GLT1D1: variants seen among roughly 807,000 people sequenced by gnomAD.
GLT1D1 encodes the protein glycosyltransferase 1 domain-containing protein 1.
In GLT1D1, 21 loss-of-function variants were observed where a neutral mutation model predicts 28.7. The ratio of observed to expected loss-of-function variants is 0.73; its 90% CI spans 0.52 to 1.05. GLT1D1 has a LOEUF of 1.05. Among genes scored for constraint, GLT1D1 ranks in the 50% least tolerant of loss-of-function variants. GLT1D1 has a pLI of 0.00. For synonymous variants in GLT1D1, 147 were observed against 124.8 expected (o/e 1.18, Z -1.19); for missense variants, 343 against 330.6 (o/e 1.04, Z -0.29).
chr12:128,952,442 G>GA (rs1565908365), intron 6 of GLT1D1, among the ~76,000 whole-genome samples: 1 of 128,466 alleles, frequency 7.8e-6, no homozygotes, highest in African/African-American at 3.1e-5. Context: ...GGTGGGGGGG[G>GA]GTGGGGCTGA....
chr12:128,939,454 G>T (rs1874902372), intron 4 of GLT1D1, among the ~76,000 whole-genome samples: 1 of 151,720 alleles, frequency 6.6e-6, no homozygotes, highest in Admixed American at 6.6e-5. Flanking sequence ...GGGCACAGTG[G>T]CTCATGCTTG....
intron 4 of GLT1D1, among the ~76,000 whole-genome samples, chr12:128,910,744 ACT>A (rs1871424849): frequency 6.6e-6 from 1 of 151,002 alleles, no homozygotes; most frequent in East Asian, 2.0e-4. Flanking sequence ...GGTCTTTGAA[ACT>A]CTCTCTTAAA....
chr12:128,906,204 C>T (rs1870853981), intron 4 of GLT1D1, among the ~76,000 whole-genome samples: 1 of 152,102 alleles, frequency 6.6e-6, no homozygotes, highest in Non-Finnish European at 1.5e-5. Flanking sequence ...ATTTCTGATC[C>T]TGAAATATAT....
intron 4 of GLT1D1, among the ~76,000 whole-genome samples, chr12:128,917,513 A>G (rs936650872): frequency 2.1e-4 from 32 of 152,112 alleles, no homozygotes; most frequent in Non-Finnish European, 5.9e-5. Flanking sequence ...CCTGAGCTCA[A>G]GTAAGCCATC....
intron 4 of GLT1D1, among the ~76,000 whole-genome samples, chr12:128,905,076 C>T (rs1398767237): frequency 8.6e-6 from 1 of 116,516 alleles, no homozygotes; most frequent in Non-Finnish European, 1.9e-5. Flanking sequence ...GCCCATTTCC[C>T]ACCCTAAACA....
chr12:128,957,941 C>G (rs1319532204), intron 7 of GLT1D1, among the ~76,000 whole-genome samples: 2 of 152,262 alleles, frequency 1.3e-5, no homozygotes, highest in Non-Finnish European at 2.9e-5. Context: ...CGTGCACTCT[C>G]AGACACAACC....
intron 4 of GLT1D1, among the ~76,000 whole-genome samples, chr12:128,936,721 G>T (rs1040512158): frequency 1.3e-5 from 2 of 152,084 alleles, no homozygotes; most frequent in Non-Finnish European, 2.9e-5. Flanking sequence ...TTCTTATATC[G>T]AAGATTACTT....
chr12:128,941,888 G>A (rs1593165474), intron 4 of GLT1D1, among the ~76,000 whole-genome samples: 1 of 138,216 alleles, frequency 7.2e-6, no homozygotes, highest in East Asian at 2.2e-4. Flanking sequence ...CACCGTGCCT[G>A]GTCTCTCTCT....
chr12:128,882,828 A>G (rs571515580), intron 2 of GLT1D1, among the ~76,000 whole-genome samples: 3 of 152,218 alleles, frequency 2.0e-5, no homozygotes, highest in Admixed American at 2.0e-4. Context: ...TACACCCTAA[A>G]TGGCACACAA....
At position 128,895,753 on chromosome 12, in the gene GLT1D1, C is replaced by T. The variant is rs550450631; in HGVS notation, c.324-3483C>T. Among the ~76,000 whole-genome samples, 35 of 152,232 alleles carry T rather than the reference C, an allele frequency of 2.3e-4. No individual in the cohort carries two copies. In the South Asian group the frequency reaches 3.3e-3, roughly 14 times the overall value. ...AGATTACAGGCGTGAACCACCGCTT[C>T]CGGCCTTACAGATGCTATTGAAACC... On this transcript the variant is annotated intron_variant, in intron 3 of 7. Coordinates refer to ENST00000281703, the MANE Select transcript of GLT1D1 (RefSeq NM_144669.3).
intron 3 of GLT1D1, among the ~76,000 whole-genome samples, chr12:128,896,831 T>C (rs571450742): frequency 1.3e-5 from 2 of 152,252 alleles, no homozygotes; most frequent in East Asian, 3.9e-4. Flanking sequence ...TTCTTTGAGA[T>C]TGGGCATTTA....
intron 2 of GLT1D1, among the ~76,000 whole-genome samples, chr12:128,885,581 G>T (rs1294429130): frequency 6.6e-6 from 1 of 152,170 alleles, no homozygotes; most frequent in Admixed American, 6.5e-5. Flanking sequence ...TCACTGAGTA[G>T]CTTGGCCAAA....
At chr12:128,968,568 C>T (rs1878713608) in intron 7 of GLT1D1, among the ~76,000 whole-genome samples, 1 of 147,454 alleles carries the variant, frequency 6.8e-6, no homozygotes, top group South Asian at 2.1e-4. Flanking sequence ...GAGGCTGAGG[C>T]ATGAGAATCA....
At chr12:128,958,313 G>T (rs997561108) in intron 7 of GLT1D1, among the ~76,000 whole-genome samples, 5 of 152,258 alleles carry the variant, frequency 3.3e-5, no homozygotes, top group African/African-American at 1.2e-4. Flanking sequence ...TTTCTCTTCT[G>T]GATAAGTGGA....
chr12:128,935,080 C>A (rs1249608095), intron 4 of GLT1D1, among the ~76,000 whole-genome samples: 3 of 152,210 alleles, frequency 2.0e-5, no homozygotes, highest in African/African-American at 7.2e-5. Flanking sequence ...TGGAACAGGA[C>A]AGGCTGGAAA....
chr12:128,868,195 C>T (rs10847710), intron 1 of GLT1D1, among the ~76,000 whole-genome samples: 20,593 of 152,240 alleles, frequency 0.14, 1,494 homozygotes, highest in South Asian at 0.22. Flanking sequence ...AGAATCTTCT[C>T]GCCAGCCCCT....
At chr12:128,878,977 T>G (rs984884465) in intron 2 of GLT1D1, among the ~76,000 whole-genome samples, 6 of 152,122 alleles carry the variant, frequency 3.9e-5, no homozygotes, top group Non-Finnish European at 8.8e-5. Flanking sequence ...GTGAAAGAAG[T>G]GTAGAGTTTA....
intron 7 of GLT1D1, among the ~76,000 whole-genome samples, chr12:128,979,447 T>C (rs943817056): frequency 4.6e-5 from 7 of 152,142 alleles, no homozygotes; most frequent in Non-Finnish European, 8.8e-5. Flanking sequence ...CTCTCGCTGG[T>C]TGTTGGCCAG....
intron 4 of GLT1D1, among the ~76,000 whole-genome samples, chr12:128,908,785 T>C (rs1871217775): frequency 6.6e-6 from 1 of 151,844 alleles, no homozygotes; most frequent in South Asian, 2.1e-4. Flanking sequence ...CCGTCTCTAC[T>C]AAAAATACAA....
Sources: allele counts gnomAD v4.1 joint callset (sites outside exome capture counted in the v4.1 genomes callset), GRCh38; gene constraint gnomAD v4.1.1; transcripts MANE v1.5; gene names NCBI Gene and HGNC (gene_info 2026-07-23, HGNC 2026-07-21).